The following CALN1 variants were observed in gnomAD, a reference collection of about 807,000 sequenced individuals.
CALN1 encodes calneuron 1, also known as calcium-binding protein 8.
CALN1 carries 17 observed loss-of-function variants against 30.6 expected under a neutral mutation model. The observed-to-expected ratio is 0.56, with a 90% confidence interval of 0.38 to 0.83. The LOEUF is 0.83. CALN1 is among the 40% of genes least tolerant of loss of function. CALN1 has a pLI of 0.00. For synonymous variants in CALN1, 156 were observed against 131.4 expected, an observed-to-expected ratio of 1.19 and a Z score of -1.28; for missense variants, 291 against 354.9, an observed-to-expected ratio of 0.82 and a Z score of 1.45.
chr7:72,498,243 T>A, the CALN1 span, among the ~76,000 whole-genome samples: 2 of 152,048 alleles, frequency 1.3e-5, no homozygotes, highest in African/African-American at 4.8e-5. Context: ...GAGGAGGGAA[T>A]AGAATCGAGA....
At chr7:72,126,577 C>T (rs1275675223) in intron 3 of CALN1, among the ~76,000 whole-genome samples, 2 of 151,832 alleles carry the variant, frequency 1.3e-5, no homozygotes, top group Admixed American at 6.6e-5. Context: ...GTACACTGTA[C>T]CCAGTTTGTA....
chr7:72,342,727 A>G (rs1450757648), intron 2 of CALN1, among the ~76,000 whole-genome samples: 3 of 152,158 alleles, frequency 2.0e-5, no homozygotes, highest in Non-Finnish European at 4.4e-5. Context: ...TCCTCCGGTA[A>G]ATATCCCCTT....
At chr7:71,857,645 C>T (rs932515033) in intron 5 of CALN1, among the ~76,000 whole-genome samples, 3 of 152,170 alleles carry the variant, frequency 2.0e-5, no homozygotes, top group African/African-American at 4.8e-5. Context: ...ATCAGGCGAG[C>T]GCTGAGGCTG....
the CALN1 span, among the ~76,000 whole-genome samples, chr7:72,462,939 C>T: frequency 6.6e-6 from 1 of 152,218 alleles, no homozygotes; most frequent in African/African-American, 2.4e-5. Flanking sequence ...TCAAGTCCCA[C>T]ATCTTCCATC....
intron 2 of CALN1, among the ~76,000 whole-genome samples, chr7:72,310,925 A>C (rs13312143): frequency 0.091 from 13,617 of 149,086 alleles, 1,243 homozygotes; most frequent in East Asian, 0.42. Flanking sequence ...AAAAAAAAAA[A>C]AAACAAAAAT....
At chr7:71,994,454 G>A (rs901930453) in intron 5 of CALN1, among the ~76,000 whole-genome samples, 6 of 148,064 alleles carry the variant, frequency 4.1e-5, no homozygotes, top group Non-Finnish European at 7.4e-5. Context: ...AGAGGTTGCC[G>A]TGAGCCGAGA....
At chr7:72,222,544 A>T (rs68145195) in intron 3 of CALN1, among the ~76,000 whole-genome samples, 52,297 of 152,026 alleles carry the variant, frequency 0.34, 10,242 homozygotes, top group Middle Eastern at 0.53. Context: ...ATCCAATCAC[A>T]TCCTACCAGG....
At chr7:71,824,472 A>G (rs1424425483) in intron 5 of CALN1, among the ~76,000 whole-genome samples, 2 of 152,224 alleles carry the variant, frequency 1.3e-5, no homozygotes, top group African/African-American at 4.8e-5. Flanking sequence ...TGAATTCCCG[A>G]TAAGATGAAA....
chr7:72,181,952 T>A (rs1789840923), intron 3 of CALN1, among the ~76,000 whole-genome samples: 1 of 152,206 alleles, frequency 6.6e-6, no homozygotes, highest in African/African-American at 2.4e-5. Flanking sequence ...AGGTATAGCA[T>A]GTTCAGTGAT....
chr7:71,790,116 G>C (rs1793233788), intron 6 of CALN1, among the ~76,000 whole-genome samples: 1 of 128,304 alleles, frequency 7.8e-6, no homozygotes, highest in African/African-American at 3.1e-5. Context: ...GAGAGAGAGA[G>C]AGAGAGAAGA....
At chr7:71,915,682 C>T (rs903785688) in intron 5 of CALN1, among the ~76,000 whole-genome samples, 2 of 152,070 alleles carry the variant, frequency 1.3e-5, no homozygotes, top group Non-Finnish European at 2.9e-5. Flanking sequence ...TGCAGTGAGC[C>T]AAGATCGCTG....
At chr7:71,855,051 T>A (rs1790863684) in intron 5 of CALN1, among the ~76,000 whole-genome samples, 1 of 152,206 alleles carries the variant, frequency 6.6e-6, no homozygotes, top group South Asian at 2.1e-4. Flanking sequence ...GAAAGTGATT[T>A]AGAACATGCT....
intron 6 of CALN1, among the ~76,000 whole-genome samples, chr7:71,799,049 CCAG>C (rs757529436): frequency 6.6e-6 from 1 of 152,102 alleles, no homozygotes; most frequent in Non-Finnish European, 1.5e-5. Flanking sequence ...ACATGGAGCT[CCAG>C]CAGCAGCACA....
chr7:72,384,362 GAAC>G (rs1250221621), intron 2 of CALN1, among the ~76,000 whole-genome samples: 2 of 152,162 alleles, frequency 1.3e-5, no homozygotes, highest in African/African-American at 2.4e-5. Context: ...AATGCTGCTG[GAAC>G]AACTGAATGA....
chr7:71,883,457 A>G (rs1047302532), intron 5 of CALN1, among the ~76,000 whole-genome samples: 1 of 152,186 alleles, frequency 6.6e-6, no homozygotes, highest in Admixed American at 6.5e-5. Flanking sequence ...CTAAGCTGTA[A>G]GTCACTCCGT....
intron 4 of CALN1, among the ~76,000 whole-genome samples, chr7:72,079,816 G>C (rs568573685): frequency 7.1e-6 from 1 of 140,106 alleles, no homozygotes. Flanking sequence ...CGTCGCCCAG[G>C]CTGGAGTGCT....
intron 5 of CALN1, among the ~76,000 whole-genome samples, chr7:71,923,930 C>T (rs115035975): frequency 0.013 from 1,962 of 152,158 alleles, 58 homozygotes; most frequent in African/African-American, 0.046. Context: ...TAGTGGCTCA[C>T]ACTTGTAATT....
At chr7:72,071,081 G>C (rs1180389465) in intron 4 of CALN1, among the ~76,000 whole-genome samples, 1 of 152,174 alleles carries the variant, frequency 6.6e-6, no homozygotes, top group East Asian at 1.9e-4. Context: ...AACTTCCAGG[G>C]AAAGGCTTGG....
intron 5 of CALN1, among the ~76,000 whole-genome samples, chr7:71,923,817 C>T (rs1417178930): frequency 6.6e-6 from 1 of 152,220 alleles, no homozygotes; most frequent in South Asian, 2.1e-4. Flanking sequence ...CCTGTGGCCC[C>T]CACTAACATT....
Sources: allele counts gnomAD v4.1 joint callset (sites outside exome capture counted in the v4.1 genomes callset), GRCh38; gene constraint gnomAD v4.1.1; transcripts MANE v1.5; gene names NCBI Gene and HGNC (gene_info 2026-07-23, HGNC 2026-07-21).